TRPS1: variants seen among roughly 807,000 people sequenced by gnomAD.
TRPS1 encodes transcriptional repressor GATA binding 1, also known as zinc finger transcription factor Trps1.
TRPS1 carries 6 observed loss-of-function variants against 101.2 expected under a neutral mutation model. The ratio of observed to expected loss-of-function variants is 0.06; its 90% CI spans 0.03 to 0.12. The LOEUF is 0.12. Among genes scored for constraint, TRPS1 ranks in the 10% least tolerant of loss-of-function variants. The pLI, the probability that TRPS1 is intolerant of heterozygous loss-of-function variation, is 1.00. For missense variants in TRPS1, 1,363 were observed against 1,567.0 expected (o/e 0.87, Z 2.20); for synonymous variants, 578 against 589.8 (o/e 0.98, Z 0.29).
chr8:115,585,471 G>A (rs6995842), intron 5 of TRPS1, among the ~76,000 whole-genome samples: 147,359 of 152,286 alleles, frequency 0.97, 71,344 homozygotes, highest in Middle Eastern at 1. Flanking sequence ...AAGGGGTTCC[G>A]GTGATATAGA....
chr8:115,419,374 A>G (rs1431776077), intron 5 of TRPS1, among the ~76,000 whole-genome samples: 2 of 129,454 alleles, frequency 1.5e-5, no homozygotes, highest in Admixed American at 1.4e-4. Context: ...TCTCTTGCTG[A>G]AAAAAAAAAA....
chr8:115,650,830 C>G (rs890749068), intron 1 of TRPS1, among the ~76,000 whole-genome samples: 1 of 152,086 alleles, frequency 6.6e-6, no homozygotes, highest in African/African-American at 2.4e-5. Context: ...TGCCATAAAC[C>G]TGGGCATCTC....
At chr8:115,536,956 T>C (rs1407134493) in intron 5 of TRPS1, among the ~76,000 whole-genome samples, 3 of 152,112 alleles carry the variant, frequency 2.0e-5, no homozygotes, top group African/African-American at 4.8e-5. Flanking sequence ...TAAAGGAAAA[T>C]TGAATTTGTT....
chr8:115,643,988 T>C (rs1453148338), intron 1 of TRPS1, among the ~76,000 whole-genome samples: 1 of 152,214 alleles, frequency 6.6e-6, no homozygotes, highest in African/African-American at 2.4e-5. Context: ...AGTAATACTT[T>C]TAAAGGAATC....
At chr8:115,628,938 A>C (rs764243283) in intron 1 of TRPS1, among the ~76,000 whole-genome samples, 7 of 151,884 alleles carry the variant, frequency 4.6e-5, no homozygotes, top group African/African-American at 7.2e-5. Flanking sequence ...ATTAGCGTTT[A>C]CAGCTCTAAG....
intron 1 of TRPS1, among the ~76,000 whole-genome samples, chr8:115,659,650 G>C (rs1300940782): frequency 6.6e-6 from 1 of 151,884 alleles, no homozygotes; most frequent in African/African-American, 2.4e-5. Context: ...ACTTTTATAT[G>C]TTCAGAGCTA....
intron 5 of TRPS1, among the ~76,000 whole-genome samples, chr8:115,443,614 C>T (rs1813662083): frequency 6.6e-6 from 1 of 152,148 alleles, no homozygotes; most frequent in Non-Finnish European, 1.5e-5. Context: ...CACTAACTAG[C>T]CATGTGACCT....
At chr8:115,623,227 T>G (rs972260215) in intron 2 of TRPS1, among the ~76,000 whole-genome samples, 1 of 152,084 alleles carries the variant, frequency 6.6e-6, no homozygotes, top group South Asian at 2.1e-4. Flanking sequence ...CTGCTAAAAC[T>G]TCAAAGAAAT....
chr8:115,498,329 G>C (rs1038831339), intron 5 of TRPS1, among the ~76,000 whole-genome samples: 1 of 148,330 alleles, frequency 6.7e-6, no homozygotes, highest in Non-Finnish European at 1.5e-5. Flanking sequence ...AGTGAGCTGA[G>C]ATCATGCCAC....
intron 5 of TRPS1, among the ~76,000 whole-genome samples, chr8:115,539,283 C>T (rs1427169950): frequency 2.0e-5 from 3 of 152,140 alleles, no homozygotes; most frequent in Non-Finnish European, 4.4e-5. Context: ...GAAAGGTTAG[C>T]GGTTCCAGAT....
intron 5 of TRPS1, among the ~76,000 whole-genome samples, chr8:115,581,788 T>C (rs1207654953): frequency 6.6e-6 from 1 of 152,160 alleles, no homozygotes; most frequent in Admixed American, 6.6e-5. Context: ...CTATTACACA[T>C]AATGAATTTG....
chr8:115,619,111 G>C, intron 3 of TRPS1, 21 bp downstream of exon 3: 1 of 1,612,584 alleles, frequency 6.2e-7, no homozygotes, highest in Non-Finnish European at 8.5e-7. Context: ...TCTGTACAAA[G>C]AGACAATACA....
intron 5 of TRPS1, among the ~76,000 whole-genome samples, chr8:115,518,707 A>G (rs1344533052): frequency 4.0e-5 from 6 of 151,856 alleles, no homozygotes; most frequent in Non-Finnish European, 8.8e-5. Context: ...TATACTTATT[A>G]AAGTTAAAGA....
intron 5 of TRPS1, among the ~76,000 whole-genome samples, chr8:115,586,479 C>T (rs1817561314): frequency 6.6e-6 from 1 of 151,982 alleles, no homozygotes; most frequent in Non-Finnish European, 1.5e-5. Flanking sequence ...GTTGGCAACT[C>T]GACAACAACA....
chr8:115,637,448 C>T (rs569203068), intron 1 of TRPS1: 3 of 357,242 alleles, frequency 8.4e-6, no homozygotes, highest in South Asian at 1.1e-4. Flanking sequence ...CAACTCTGAT[C>T]GTAAAAGGAA....
intron 1 of TRPS1, among the ~76,000 whole-genome samples, chr8:115,643,137 T>C (rs2130591582): frequency 6.6e-6 from 1 of 152,316 alleles, no homozygotes; most frequent in South Asian, 2.1e-4. Flanking sequence ...TCTTGAGCAA[T>C]TGGTAATCTT....
intron 5 of TRPS1, among the ~76,000 whole-genome samples, chr8:115,545,837 G>A (rs1816558003): frequency 6.6e-6 from 1 of 151,998 alleles, no homozygotes; most frequent in Non-Finnish European, 1.5e-5. Context: ...TTCAAGAACA[G>A]ATTCAAAGAA....
chr8:115,467,179 T>A (rs1438694859), intron 5 of TRPS1, among the ~76,000 whole-genome samples: 1 of 151,918 alleles, frequency 6.6e-6, no homozygotes, highest in African/African-American at 2.4e-5. Context: ...TTGGGGAAAT[T>A]GCGAACCAAA....
chr8:115,445,934 T>C (rs1172312064), intron 5 of TRPS1, among the ~76,000 whole-genome samples: 1 of 152,166 alleles, frequency 6.6e-6, no homozygotes, highest in Non-Finnish European at 1.5e-5. Context: ...CTTAAATATA[T>C]GATGAATATA....
Sources: allele counts gnomAD v4.1 joint callset (sites outside exome capture counted in the v4.1 genomes callset), GRCh38; gene constraint gnomAD v4.1.1; transcripts MANE v1.5; gene names NCBI Gene and HGNC (gene_info 2026-07-23, HGNC 2026-07-21).